The following GBF1 variants were observed in gnomAD, a reference collection of about 807,000 sequenced individuals.
GBF1 encodes the protein Golgi-specific brefeldin A-resistance guanine nucleotide exchange factor 1.
A neutral mutation model predicts 210.5 loss-of-function variants in GBF1; 114 were observed. The observed-to-expected ratio is 0.54, with a 90% confidence interval of 0.47 to 0.63. The LOEUF is 0.63. Among genes scored for constraint, GBF1 ranks in the 30% least tolerant of loss-of-function variants. GBF1 has a pLI of 0.00. For synonymous variants in GBF1, 850 were observed against 889.2 expected (o/e 0.96, Z 0.78); for missense variants, 1,851 against 2,357.7 (o/e 0.79, Z 4.45).
At chr10:102,302,462 T>C (rs1322053092) in intron 3 of GBF1, among the ~76,000 whole-genome samples, 1 of 152,108 alleles carries the variant, frequency 6.6e-6, no homozygotes, top group Non-Finnish European at 1.5e-5. Flanking sequence ...AAAAAAATCA[T>C]CATACTGATC....
chr10:102,331,299 G>T (rs1480794213), intron 3 of GBF1, among the ~76,000 whole-genome samples: 1 of 152,034 alleles, frequency 6.6e-6, no homozygotes, highest in Non-Finnish European at 1.5e-5. Flanking sequence ...ATAATCTCTG[G>T]GTTAGGTTGG....
intron 8 of GBF1, among the ~76,000 whole-genome samples, chr10:102,355,579 C>G (rs1406267152): frequency 2.6e-5 from 4 of 152,236 alleles, no homozygotes; most frequent in African/African-American, 4.8e-5. Context: ...CTCCAGCCAG[C>G]AGGCTGAGAA....
At chr10:102,320,827 G>A (rs113307828) in intron 3 of GBF1, among the ~76,000 whole-genome samples, 25 of 149,382 alleles carry the variant, frequency 1.7e-4, no homozygotes, top group Non-Finnish European at 2.2e-4. Flanking sequence ...TGACTCTGTC[G>A]CCCAGACTGG....
At chr10:102,307,068 G>A (rs187432034) in intron 3 of GBF1, among the ~76,000 whole-genome samples, 3 of 152,314 alleles carry the variant, frequency 2.0e-5, no homozygotes, top group Admixed American at 2.0e-4. Context: ...TTGAAAGGTG[G>A]AAAAGGATTC....
chr10:102,293,272 A>G (rs1216281301), intron 3 of GBF1, among the ~76,000 whole-genome samples: 3 of 152,218 alleles, frequency 2.0e-5, no homozygotes, highest in Non-Finnish European at 4.4e-5. Flanking sequence ...ATAATGTCAT[A>G]GTATAACGTA....
intron 33 of GBF1, among the ~76,000 whole-genome samples, chr10:102,378,343 C>A (rs961425621): frequency 1.3e-5 from 2 of 152,112 alleles, no homozygotes; most frequent in Non-Finnish European, 2.9e-5. Flanking sequence ...AGATTAACAG[C>A]CAGGTACAGT....
chr10:102,368,794 A>T lies in GBF1; in HGVS notation c.2935A>T (p.Ile979Phe). 3 of 1,589,372 alleles carry T rather than the reference A, an allele frequency of 1.9e-6. No individual in the cohort carries two copies. The highest frequency in any genetic ancestry group is 2.6e-6 in the Non-Finnish European group (3 of 1,157,824). The change falls in exon 23 of 40, where the codon ATC (isoleucine) becomes TTC (phenylalanine). Residue 979 changes from isoleucine (I) to phenylalanine (F), a missense_variant. By Grantham distance (21) the Ile-to-Phe change is conservative. Around this residue, in one of 3 missense-constraint regions of GBF1, gnomAD observed 967 missense variants for 1,247.7 expected, o/e 0.78. Coordinates refer to ENST00000369983, the MANE Select transcript of GBF1 (RefSeq NM_001377137.1). ...CCTCAGCGATGTGTTTGACAATCTC[A>T]TCATCTCTCTATGCAAATTCACAGC... ...YGLSDVFDNL[I>F]ISLCKFTALS...
chr10:102,369,998 C>A lies in GBF1; in HGVS notation c.3339+14C>A, dbSNP rs1258594306. The stretch of plus-strand genomic sequence containing the variant: ...GAGTGTATAAAGGTAACTGCCCATC[C>A]ACCCCTGGTGAGAAAGCCTAAACAC... On this transcript the variant is annotated intron_variant, in intron 26 of 39. Coordinates refer to ENST00000369983, the MANE Select transcript of GBF1 (RefSeq NM_001377137.1). 1 of 1,613,768 alleles carries A rather than the reference C, an allele frequency of 6.2e-7. No homozygotes were observed. Among genetic ancestry groups the A allele is most frequent in the Non-Finnish European group, 8.5e-7 (1 of 1,179,810 alleles).
At chr10:102,360,497 A>G (rs564839408) in intron 12 of GBF1, 102 bp downstream of exon 12, 2 of 762,750 alleles carry the variant, frequency 2.6e-6, no homozygotes, top group Admixed American at 2.1e-5. Context: ...CTAGGAAAGC[A>G]TCTCCCTCCC....
At chr10:102,290,926 A>G (rs2076379666) in intron 3 of GBF1, among the ~76,000 whole-genome samples, 1 of 152,230 alleles carries the variant, frequency 6.6e-6, no homozygotes, top group African/African-American at 2.4e-5. Context: ...TTTAATTGAC[A>G]AAGTGATGCT....
chr10:102,309,270 T>C (rs2078203202), intron 3 of GBF1, among the ~76,000 whole-genome samples: 1 of 152,248 alleles, frequency 6.6e-6, no homozygotes, highest in African/African-American at 2.4e-5. Context: ...AGAAAAGTTA[T>C]TAATTACAGC....
chr10:102,377,371 T>TTTA (rs1565186127), intron 33 of GBF1, among the ~76,000 whole-genome samples: 32 of 146,096 alleles, frequency 2.2e-4, no homozygotes, highest in African/African-American at 7.7e-4. Context: ...TTATTTATTT[T>TTTA]TTGAGATGTA....
chr10:102,253,465 A>G (rs1260255317), intron 1 of GBF1, among the ~76,000 whole-genome samples: 1 of 152,214 alleles, frequency 6.6e-6, no homozygotes, highest in Non-Finnish European at 1.5e-5. Flanking sequence ...TCAAATTCAT[A>G]TTAATTTAGA....
intron 3 of GBF1, among the ~76,000 whole-genome samples, chr10:102,305,816 G>A (rs751587062): frequency 6.6e-6 from 1 of 152,174 alleles, no homozygotes; most frequent in Non-Finnish European, 1.5e-5. Context: ...AATATCTTTT[G>A]TATGCCAGAC....
At chr10:102,303,347 G>T (rs542548081) in intron 3 of GBF1, among the ~76,000 whole-genome samples, 3 of 152,224 alleles carry the variant, frequency 2.0e-5, no homozygotes, top group Non-Finnish European at 4.4e-5. Context: ...TGTGGGTATC[G>T]AGTTGTCCCA....
intron 13 of GBF1, 49 bp from the exon 14 acceptor site, chr10:102,361,669 A>G (rs375019316): frequency 1.8e-5 from 24 of 1,318,768 alleles, no homozygotes; most frequent in Non-Finnish European, 2.4e-5. Context: ...TTCTCTTCCT[A>G]TCTTGAATCC....
intron 4 of GBF1, 28 bp downstream of exon 4, chr10:102,344,210 C>A (rs376237980): frequency 3.7e-6 from 6 of 1,610,602 alleles, no homozygotes; most frequent in Non-Finnish European, 5.1e-6. Context: ...GTTGCATGAC[C>A]ACAGCACTTC....
chr10:102,310,320 T>C (rs1375439518), intron 3 of GBF1, among the ~76,000 whole-genome samples: 1 of 152,248 alleles, frequency 6.6e-6, no homozygotes, highest in African/African-American at 2.4e-5. Flanking sequence ...AAGCTGTACA[T>C]GTGCCCTACT....
At chr10:102,236,468 T>C in the GBF1 span, among the ~76,000 whole-genome samples, 1 of 152,190 alleles carries the variant, frequency 6.6e-6, no homozygotes, top group Non-Finnish European at 1.5e-5. Context: ...CCCACTGGTA[T>C]CAGGGTGGCA....
Sources: gnomAD v4.1 joint callset for allele counts (sites outside exome capture counted in the v4.1 genomes callset) on GRCh38, gnomAD v4.1.1 for gene constraint, gnomAD v4.1.1 regional missense constraint, MANE v1.5 for transcripts, NCBI Gene and HGNC (gene_info 2026-07-23, HGNC 2026-07-21) for gene names.